TINAGL1: variants seen among roughly 807,000 people sequenced by gnomAD.
TINAGL1 encodes tubulointerstitial nephritis antigen-like.
TINAGL1 carries 34 observed loss-of-function variants against 62.0 expected under a neutral mutation model. The observed-to-expected ratio is 0.55, with a 90% confidence interval of 0.42 to 0.73. The LOEUF is 0.73. Ranked by LOEUF, TINAGL1 falls within the 30% of genes least tolerant of loss-of-function variation. TINAGL1 has a pLI of 0.00. For synonymous variants in TINAGL1, 221 were observed against 249.7 expected, an observed-to-expected ratio of 0.88 and a Z score of 1.08; for missense variants, 516 against 653.2, an observed-to-expected ratio of 0.79 and a Z score of 2.29.
In TINAGL1 at chr1:31,585,141, G is replaced by A. The variant is rs548193627; in HGVS notation, c.858-10G>A. 2 of 1,569,726 alleles carry A rather than the reference G, an allele frequency of 1.3e-6. No individual in the cohort carries two copies. The highest frequency in any genetic ancestry group is 1.8e-5 in the Admixed American group (1 of 55,490). On this transcript the variant is annotated splice_polypyrimidine_tract_variant and intron_variant, in intron 7 of 11. Transcript: ENST00000271064. The surrounding 1 kb of genome is among the most constrained non-coding windows in gnomAD (Gnocchi z 4.3). ...CTTTCTGCCTTTGCTCCCTCTTGCT[G>A]CCTTTGCAGGGTGGTGTCTGACCAC...
intron 2 of TINAGL1, 118 bp from the exon 3 acceptor site, chr1:31,579,086 A>G (rs1639127559): frequency 1.4e-6 from 1 of 731,440 alleles, no homozygotes; most frequent in African/African-American, 1.7e-5. Flanking sequence ...TGTGAGACAG[A>G]GAGAGAGAAA....
intron 10 of TINAGL1, 134 bp from the exon 11 acceptor site, chr1:31,586,576 G>C (rs1255236039): frequency 3.1e-6 from 3 of 983,494 alleles, no homozygotes; most frequent in African/African-American, 1.6e-5. Flanking sequence ...GAGGTACAGA[G>C]ACCTGCCTGA....
chr1:31,580,761 T>A, intron 3 of TINAGL1: 1 of 1,227,032 alleles, frequency 8.1e-7, no homozygotes, highest in Non-Finnish European at 1.0e-6. Context: ...ATTATAGAAT[T>A]CATAGAATGC....
At position 31,583,894 on chromosome 1, in the gene TINAGL1, T is replaced by G. The variant is rs1639314530; in HGVS notation, c.582+319T>G. ...AGGGGACAGGGGGTCACCTTGGTAT[T>G]TTGGGAAGGGAAGGACACACACTCC... On this transcript the variant is annotated intron_variant, in intron 5 of 11. Coordinates refer to ENST00000271064, the MANE Select transcript of TINAGL1 (RefSeq NM_022164.3). The surrounding 1 kb of genome is among the most constrained non-coding windows in gnomAD (Gnocchi z 4.4). 7.0e-6 allele frequency: 2 copies of G among 287,080 alleles called. No homozygotes were observed. Among genetic ancestry groups the G allele is most frequent in the Non-Finnish European group, 1.3e-5 (2 of 150,664 alleles). 17.8% of individuals were successfully genotyped at this position (287,080 alleles called of 1,614,324 possible). A position where few individuals can be genotyped will look rare whatever the true frequency, so the allele number is the denominator to read the frequency against.
In TINAGL1 at chr1:31,579,286, G is replaced by A; in HGVS notation, c.374+19G>A. ...ACCGTTGGTGAGTGTTTGGAGCTTA[G>A]AGGGGTCTTGCTTTGTGAGCCTGTG... On this transcript the variant is annotated intron_variant, in intron 3 of 11. Coordinates refer to ENST00000271064, the MANE Select transcript of TINAGL1 (RefSeq NM_022164.3). The A allele has an allele frequency of 1.9e-6, 3 of 1,612,066 alleles. No individual in the cohort carries two copies. Among genetic ancestry groups the A allele is most frequent in the Non-Finnish European group, 2.5e-6 (3 of 1,178,160 alleles).
chr1:31,580,268 T>G, intron 3 of TINAGL1: 1 of 1,203,028 alleles, frequency 8.3e-7, no homozygotes, highest in Non-Finnish European at 1.1e-6. Flanking sequence ...TCTCTCTCAC[T>G]GCTGTCCCTG....
chr1:31,580,774 C>T, intron 3 of TINAGL1: 1 of 1,215,184 alleles, frequency 8.2e-7, no homozygotes, highest in South Asian at 1.4e-5. Context: ...TAGAATGCAG[C>T]CCTTCAGTCG....
Position 31,585,886 on chromosome 1 carries a change from G to A in TINAGL1, c.1217+10G>A, listed in dbSNP as rs200310989. 4.0e-5 allele frequency: 63 copies of A among 1,572,650 alleles called. No individual in the cohort carries two copies. In the East Asian group the frequency reaches 7.7e-4, roughly 19 times the overall value. On this transcript the variant is annotated intron_variant, in intron 10 of 11. Transcript: ENST00000271064. This position sits in a 1 kb window ranked among gnomAD's most constrained non-coding sequence, Gnocchi z 4.3. ...CAGTCAAGATCACAGGGTGAGGGGC[G>A]TGTGGGCAGAGGGGGTTTGGGACAG...
rs1639378579 is a variant in TINAGL1 at position 31,585,889 on chromosome 1, TG to T, written c.1217+16del. The T allele has an allele frequency of 6.4e-7, 1 of 1,569,672 alleles. No individual in the cohort carries two copies. Among genetic ancestry groups the T allele is most frequent in the South Asian group, 1.2e-5 (1 of 85,512 alleles). On this transcript the variant is annotated intron_variant, in intron 10 of 11. Transcript: ENST00000271064. The surrounding 1 kb of genome is among the most constrained non-coding windows in gnomAD (Gnocchi z 4.3). ...TCAAGATCACAGGGTGAGGGGCGTGTGGGCAGAGGGGGTTTGGGACAGCAGG... is the reference window on the plus strand; with the variant it reads ...TCAAGATCACAGGGTGAGGGGCGTGTGGCAGAGGGGGTTTGGGACAGCAGG...
rs1471022520 is a variant in TINAGL1, at chr1:31,578,432, C to G, written c.311-772C>G. Among the ~76,000 whole-genome samples the G allele has an allele frequency of 8.3e-4, 73 of 88,404 alleles. No individual in the cohort carries two copies. In the Middle Eastern group the frequency reaches 0.029, roughly 35 times the overall value. The allele number at this position is 88,404 out of a possible 152,430, so 58.0% of individuals were successfully genotyped here. A position where few individuals can be genotyped will look rare whatever the true frequency, so the allele number is the denominator to read the frequency against. On this transcript the variant is annotated intron_variant, in intron 2 of 11. Coordinates refer to ENST00000271064, the MANE Select transcript of TINAGL1 (RefSeq NM_022164.3). ...AGTTATAGTTTAATTTTAGTGACAG[C>G]TGGTGTGTGTGTGTGTGTGTGTGTG...
chr1:31,584,618 G>A lies in TINAGL1; in HGVS notation c.583-60G>A. On this transcript the variant is annotated intron_variant, in intron 5 of 11. Transcript: ENST00000271064. The surrounding 1 kb of genome is among the most constrained non-coding windows in gnomAD (Gnocchi z 4.0). Reference sequence around the variant, plus strand: ...CTTGGTGGCCCTCCAGTGCCAATGGGCACCTGAGGGGCAGGCCAGGGCAGA... The same window carrying A: ...CTTGGTGGCCCTCCAGTGCCAATGGACACCTGAGGGGCAGGCCAGGGCAGA... 2 of 1,609,168 alleles carry A rather than the reference G, an allele frequency of 1.2e-6. No homozygotes were observed. Among genetic ancestry groups the A allele is most frequent in the Non-Finnish European group, 1.7e-6 (2 of 1,177,732 alleles).
At chr1:31,582,290 T>G (rs1425679149) in intron 3 of TINAGL1, among the ~76,000 whole-genome samples, 1 of 151,450 alleles carries the variant, frequency 6.6e-6, no homozygotes, top group African/African-American at 2.4e-5. Context: ...ATCACACCAC[T>G]GCATTCCAGC....
In TINAGL1 at chr1:31,587,079, CGGG is replaced by C. The variant is rs1639417103; in HGVS notation, c.*102_*104del. The C allele has an allele frequency of 7.5e-7, 1 of 1,333,554 alleles. No individual in the cohort carries two copies. Among genetic ancestry groups the C allele is most frequent in the African/African-American group, 1.5e-5 (1 of 64,804 alleles). The allele number at this position is 1,333,554 out of a possible 1,614,324, so 82.6% of individuals were successfully genotyped here. A position where few individuals can be genotyped will look rare whatever the true frequency, so the allele number is the denominator to read the frequency against. ...GACCCCAGCCTCGCCCGACAGAGCC[CGGG>C]GCGCAGGCGGGCGCCAGGGCGCTAA... is the stretch of plus-strand genomic sequence containing the variant. On this transcript the variant is annotated 3_prime_UTR_variant, in exon 12 of 12. Transcript: ENST00000271064.
rs1375394745 is a variant in TINAGL1, at chr1:31,585,249, G to A, written c.956G>A (p.Gly319Asp). ...CMMHSRAMGR[G>D]KRQATAHCPN... ...ATGCACAGCCGAGCCATGGGTCGGG[G>A]CAAGCGCCAGGCCACTGCCCACTGC... Residue 319 changes from glycine (G) to aspartate (D), a missense_variant, in exon 8 of 12, where the codon GGC (glycine) becomes GAC (aspartate). Coordinates refer to ENST00000271064, the MANE Select transcript of TINAGL1 (RefSeq NM_022164.3). The surrounding 1 kb of genome is among the most constrained non-coding windows in gnomAD (Gnocchi z 4.3). The A allele has an allele frequency of 5.6e-6, 9 of 1,613,506 alleles. No individual in the cohort carries two copies. Among genetic ancestry groups the A allele is most frequent in the Non-Finnish European group, 7.6e-6 (9 of 1,179,774 alleles).
intron 10 of TINAGL1, 76 bp from the exon 11 acceptor site, chr1:31,586,634 G>C: frequency 6.5e-7 from 1 of 1,535,792 alleles, no homozygotes; most frequent in South Asian, 1.2e-5. Context: ...GGGCTGGATG[G>C]GGCAGGTTTC....
chr1:31,583,511 G>A lies in TINAGL1; in HGVS notation c.518G>A (p.Gly173Asp). ...SAFWGMTLDE[G>D]IRYRLGTIRP... Reference sequence around the variant, plus strand: ...TTCTGGGGCATGACCCTGGATGAGGGCATTCGCTACCGCCTGGGCACCATC... The same window carrying A: ...TTCTGGGGCATGACCCTGGATGAGGACATTCGCTACCGCCTGGGCACCATC... The change falls in exon 5 of 12, where the codon GGC becomes GAC. Residue 173 changes from glycine (G) to aspartate (D), a missense_variant. Coordinates refer to ENST00000271064, the MANE Select transcript of TINAGL1 (RefSeq NM_022164.3). The surrounding 1 kb of genome is among the most constrained non-coding windows in gnomAD (Gnocchi z 4.4). 1 of 1,614,048 alleles carries A rather than the reference G, an allele frequency of 6.2e-7. No individual in the cohort carries two copies. The highest frequency in any genetic ancestry group is 2.2e-5 in the East Asian group (1 of 44,884).
Position 31,584,548 on chromosome 1 carries a change from T to C in TINAGL1, c.583-130T>C. On this transcript the variant is annotated intron_variant, in intron 5 of 11. Transcript: ENST00000271064. This position sits in a 1 kb window ranked among gnomAD's most constrained non-coding sequence, Gnocchi z 4.0. The stretch of plus-strand genomic sequence containing the variant: ...TCAAAATTGGAGGCAGCTGGAATCC[T>C]GCAGCAGCAGGAGGGCTCAAGATTA... 1 of 1,423,966 alleles carries C rather than the reference T, an allele frequency of 7.0e-7. No homozygotes were observed. Among genetic ancestry groups the C allele is most frequent in the East Asian group, 2.4e-5 (1 of 41,430 alleles). The allele number at this position is 1,423,966 out of a possible 1,614,324, so 88.2% of individuals were successfully genotyped here. A position where few individuals can be genotyped will look rare whatever the true frequency, so the allele number is the denominator to read the frequency against.
At position 31,585,484 on chromosome 1, in the gene TINAGL1, A is replaced by G. The variant is rs758582120; in HGVS notation, c.1092A>G (p.Gln364=). ...AGCTGATGGAGAATGGCCCTGTCCA[A>G]GGTAAACCCCCTTATCCAGCACCCT... ...MKELMENGPV[Q]ALMEVHEDFF... is the part of the protein sequence containing the mutation. The change falls in exon 9 of 12, where the codon CAA becomes CAG. Residue 364 remains glutamine (Q), a splice_region_variant and synonymous_variant. Coordinates refer to ENST00000271064, the MANE Select transcript of TINAGL1 (RefSeq NM_022164.3). This position sits in a 1 kb window ranked among gnomAD's most constrained non-coding sequence, Gnocchi z 4.3. 1.2e-6 allele frequency: 2 copies of G among 1,614,180 alleles called. No individual in the cohort carries two copies. Among genetic ancestry groups the G allele is most frequent in the South Asian group, 2.2e-5 (2 of 91,072 alleles).
Position 31,577,121 on chromosome 1 carries a change from C to T in TINAGL1, c.-15-13C>T, listed in dbSNP as rs1299218615. On this transcript the variant is annotated splice_polypyrimidine_tract_variant and intron_variant, in intron 1 of 11. Coordinates refer to ENST00000271064, the MANE Select transcript of TINAGL1 (RefSeq NM_022164.3). The surrounding 1 kb of genome is among the most constrained non-coding windows in gnomAD (Gnocchi z 5.4). ...CCAGGGAGTCTCTGCTGCCCACCAT[C>T]TCTGCCCCCCAGGGCCCAGGAGCCA... is the stretch of plus-strand genomic sequence containing the variant. 1.0e-5 allele frequency: 15 copies of T among 1,460,942 alleles called. No individual in the cohort carries two copies. Among genetic ancestry groups the T allele is most frequent in the African/African-American group, 1.4e-5 (1 of 70,874 alleles). The allele number at this position is 1,460,942 out of a possible 1,614,324, so 90.5% of individuals were successfully genotyped here.
Sources: allele counts gnomAD v4.1 joint callset (sites outside exome capture counted in the v4.1 genomes callset), GRCh38; gene constraint gnomAD v4.1.1; non-coding constraint Gnocchi (gnomAD v3.1); transcripts MANE v1.5; gene names NCBI Gene and HGNC (gene_info 2026-07-23, HGNC 2026-07-21).